Variants in POC5 observed in about 807,000 individuals in gnomAD.
POC5 encodes the protein POC5 centriolar protein.
POC5 carries 48 observed loss-of-function variants against 62.9 expected under a neutral mutation model. That is an observed-to-expected ratio of 0.76 (90% CI 0.61 to 0.97). The LOEUF (loss-of-function observed/expected upper bound fraction) is 0.97, where lower values mean the gene tolerates loss of function less well. Among genes scored for constraint, POC5 ranks in the 50% least tolerant of loss-of-function variants. The pLI, the probability that POC5 is intolerant of heterozygous loss-of-function variation, is 0.00. For missense variants in POC5, 696 were observed against 679.5 expected, an observed-to-expected ratio of 1.02 and a Z score of -0.27; for synonymous variants, 236 against 228.2, an observed-to-expected ratio of 1.03 and a Z score of -0.31.
chr5:75,697,858 A>T (rs1776680677), intron 5 of POC5, among the ~76,000 whole-genome samples: 2 of 148,782 alleles, frequency 1.3e-5, no homozygotes, highest in Admixed American at 6.7e-5. Context: ...GCTCAAAATA[A>T]AAGGATGGAG....
chr5:75,685,237 T>C lies in POC5; in HGVS notation c.1377A>G (p.Gly459=). The C allele has an allele frequency of 6.2e-7, 1 of 1,613,740 alleles. No homozygotes were observed. Among genetic ancestry groups the C allele is most frequent in the African/African-American group, 1.3e-5 (1 of 75,034 alleles). Residue 459 remains glycine (G), a synonymous_variant, in exon 10 of 12, where the codon GGA becomes GGG. Coordinates refer to ENST00000428202, the MANE Select transcript of POC5 (RefSeq NM_001099271.2). ...VHVPVSALGA[G]SAATAASEEM... ...CTTCTGATGCAGCAGTAGCTGCAGA[T>C]CCTGCACCAAGAGCAGAAACAGGAA...
intron 3 of POC5, 36 bp from the exon 4 acceptor site, chr5:75,705,823 C>A: frequency 7.7e-7 from 1 of 1,301,532 alleles, no homozygotes; most frequent in South Asian, 1.4e-5. Context: ...TTAAACTGAA[C>A]CACTCTTAAA....
At chr5:75,712,363 G>A in intron 2 of POC5, 1 of 1,573,592 alleles carries the variant, frequency 6.4e-7, no homozygotes, top group Non-Finnish European at 8.7e-7. Flanking sequence ...CACACCCTCT[G>A]TAGTTAACTG....
intron 9 of POC5, 146 bp downstream of exon 9, chr5:75,688,866 G>T: frequency 1.2e-6 from 1 of 806,780 alleles, no homozygotes; most frequent in Non-Finnish European, 1.7e-6. Context: ...TTTAAGTCTG[G>T]ATATGACACC....
intron 5 of POC5, among the ~76,000 whole-genome samples, chr5:75,696,521 A>C (rs557553647): frequency 3.3e-5 from 5 of 152,000 alleles, no homozygotes; most frequent in East Asian, 1.9e-4. Context: ...AAGGAAAACT[A>C]ACAAACAGAA....
At chr5:75,696,420 T>A (rs184136627) in intron 5 of POC5, among the ~76,000 whole-genome samples, 25,567 of 152,044 alleles carry the variant, frequency 0.17, 2,345 homozygotes, top group South Asian at 0.21. Flanking sequence ...CCGAGCAGCC[T>A]AACTGGGAGG....
At chr5:75,702,405 G>A (rs969109744) in intron 5 of POC5, among the ~76,000 whole-genome samples, 200 bp downstream of exon 5, 1 of 152,170 alleles carries the variant, frequency 6.6e-6, no homozygotes, top group African/African-American at 2.4e-5. Context: ...TACTGCATAT[G>A]AAGCTGTAGT....
intron 1 of POC5, among the ~76,000 whole-genome samples, chr5:75,715,185 C>T (rs1777502444): frequency 6.6e-6 from 1 of 151,932 alleles, no homozygotes; most frequent in East Asian, 1.9e-4. Flanking sequence ...TGGTGGGCGC[C>T]TGTAGTCCCA....
Position 75,674,275 on chromosome 5 carries a change from A to G in POC5, c.*160T>C. On this transcript the variant is annotated 3_prime_UTR_variant, in exon 12 of 12. Coordinates refer to ENST00000428202, the MANE Select transcript of POC5 (RefSeq NM_001099271.2). ...ATTAAAATAATTTCTACATATAGTTACAAAGCATGGTAGAGCTTGAAAAAG... is the reference window on the plus strand; with the variant it reads ...ATTAAAATAATTTCTACATATAGTTGCAAAGCATGGTAGAGCTTGAAAAAG... The G allele has an allele frequency of 1.8e-6, 1 of 571,356 alleles. No homozygotes were observed. Among genetic ancestry groups the G allele is most frequent in the South Asian group, 5.4e-5 (1 of 18,686 alleles). 35.4% of individuals were successfully genotyped at this position (571,356 alleles called of 1,614,324 possible).
At chr5:75,684,781 T>C (rs1052577923) in intron 10 of POC5, among the ~76,000 whole-genome samples, 1 of 152,058 alleles carries the variant, frequency 6.6e-6, no homozygotes, top group Non-Finnish European at 1.5e-5. Flanking sequence ...TATTAAATAT[T>C]TTCAGTGACT....
At chr5:75,677,239 C>G (rs1775702411) in intron 11 of POC5, among the ~76,000 whole-genome samples, 2 of 152,160 alleles carry the variant, frequency 1.3e-5, no homozygotes. Context: ...ATTTTTGCTT[C>G]AAATTCAATG....
At chr5:75,714,363 C>CA (rs1398726677) in intron 1 of POC5, among the ~76,000 whole-genome samples, 3 of 151,870 alleles carry the variant, frequency 2.0e-5, no homozygotes, top group African/African-American at 7.3e-5. Flanking sequence ...GCCTGGGTGA[C>CA]AGAGACTCCG....
intron 11 of POC5, 52 bp downstream of exon 11, chr5:75,677,721 TG>T (rs1775722924): frequency 2.1e-6 from 3 of 1,455,392 alleles, no homozygotes; most frequent in Non-Finnish European, 2.8e-6. Context: ...TACTAGTCTA[TG>T]AACTCTCAGG....
At chr5:75,707,528 T>G (rs1777175873) in intron 3 of POC5, 1 of 432,504 alleles carries the variant, frequency 2.3e-6, no homozygotes, top group Non-Finnish European at 4.1e-6. Flanking sequence ...AAAGTAAGAG[T>G]CAAATGAAGT....
rs1225282118 is a variant in POC5, at chr5:75,679,762, AAG to A, written c.1408-1814_1408-1813del. On this transcript the variant is annotated intron_variant, in intron 10 of 11. Coordinates refer to ENST00000428202, the MANE Select transcript of POC5 (RefSeq NM_001099271.2). ...ACATACAGGGAGGATAAGGAAAGTG[AAG>A]AGAGAGAGAAGGAATAAGGTGGCAT... Among the ~76,000 whole-genome samples the A allele has an allele frequency of 3.3e-5, 5 of 152,272 alleles. No individual in the cohort carries two copies. In the East Asian group the frequency reaches 9.6e-4, roughly 29 times the overall value.
chr5:75,713,859 T>C (rs941264033), intron 1 of POC5, among the ~76,000 whole-genome samples: 6 of 152,128 alleles, frequency 3.9e-5, no homozygotes, highest in Admixed American at 6.5e-5. Context: ...GACAGAGCCA[T>C]GGACATGTAT....
At chr5:75,689,469 C>A (rs1415003616) in intron 8 of POC5, 1 of 984,326 alleles carries the variant, frequency 1.0e-6, no homozygotes, top group Non-Finnish European at 1.2e-6. Flanking sequence ...TACTGTAAAA[C>A]TTTTATGTAG....
At chr5:75,713,100 C>T in intron 1 of POC5, 149 bp from the exon 2 acceptor site, 2 of 589,044 alleles carry the variant, frequency 3.4e-6, no homozygotes, top group Non-Finnish European at 5.9e-6. Context: ...TACCTACAGG[C>T]AAAAAATCAC....
chr5:75,712,187 T>C lies in POC5; in HGVS notation c.84+667A>G, dbSNP rs550570412. 1.0e-3 allele frequency: 290 copies of C among 284,774 alleles called. 2 individuals are homozygous for C. Among genetic ancestry groups the C allele is most frequent in the Non-Finnish European group, 1.3e-3 (255 of 189,446 alleles). The allele number at this position is 284,774 out of a possible 1,614,324, so 17.6% of individuals were successfully genotyped here. ...GTACAGAATCAATAACAATTTCATA[T>C]GCTTAGGCATAAACAGCCTTTCCCC... On this transcript the variant is annotated intron_variant, in intron 2 of 11. Coordinates refer to ENST00000428202, the MANE Select transcript of POC5 (RefSeq NM_001099271.2).
Sources: gnomAD v4.1 joint callset for allele counts (sites outside exome capture counted in the v4.1 genomes callset) on GRCh38, gnomAD v4.1.1 for gene constraint, MANE v1.5 for transcripts, NCBI Gene and HGNC (gene_info 2026-07-23, HGNC 2026-07-21) for gene names.